Variants in TANGO6 observed in about 807,000 individuals in gnomAD.
TANGO6 encodes transport and Golgi organization protein 6 homolog.
TANGO6 carries 90 observed loss-of-function variants against 114.2 expected under a neutral mutation model. The ratio of observed to expected loss-of-function variants is 0.79; its 90% CI spans 0.66 to 0.94. The LOEUF (loss-of-function observed/expected upper bound fraction) is 0.94, where lower values mean the gene tolerates loss of function less well. Among genes scored for constraint, TANGO6 ranks in the 40% least tolerant of loss-of-function variants. The pLI is 0.00. For missense variants in TANGO6, 1,274 were observed against 1,315.3 expected, an observed-to-expected ratio of 0.97 and a Z score of 0.49; for synonymous variants, 477 against 509.8, an observed-to-expected ratio of 0.94 and a Z score of 0.87.
At chr16:68,893,597 G>A (rs540436982) in intron 7 of TANGO6, among the ~76,000 whole-genome samples, 14 of 151,814 alleles carry the variant, frequency 9.2e-5, no homozygotes, top group South Asian at 4.2e-4. Flanking sequence ...TTAGCCGGGC[G>A]TGGTGGCACG....
At position 69,016,355 on chromosome 16, in the gene TANGO6, G is replaced by A. The variant is rs926138284; in HGVS notation, c.2843-6473G>A. On this transcript the variant is annotated intron_variant, in intron 15 of 17. Transcript: ENST00000261778. ...GGAGGTTGCGGTGAGCCGAGATTGCGCTGTTGCATTCCAGCCTGGGCAACA... is the reference window on the plus strand; with the variant it reads ...GGAGGTTGCGGTGAGCCGAGATTGCACTGTTGCATTCCAGCCTGGGCAACA... Among the ~76,000 whole-genome samples the A allele has an allele frequency of 7.3e-5, 11 of 151,568 alleles. No homozygotes were observed. The South Asian group carries it at 1.7e-3, about 23-fold the overall frequency.
At chr16:69,070,646 A>G (rs1268266481) in intron 17 of TANGO6, among the ~76,000 whole-genome samples, 1 of 149,858 alleles carries the variant, frequency 6.7e-6, no homozygotes, top group East Asian at 1.9e-4. Context: ...AAAAAAAAAA[A>G]CAAAAAAACA....
chr16:69,005,289 G>A (rs971402022), intron 15 of TANGO6, among the ~76,000 whole-genome samples: 1 of 152,206 alleles, frequency 6.6e-6, no homozygotes, highest in African/African-American at 2.4e-5. Flanking sequence ...GAGCAGAAAA[G>A]TAAAATGGCC....
At chr16:69,043,285 T>A (rs1204164686) in intron 17 of TANGO6, among the ~76,000 whole-genome samples, 2 of 16,652 alleles carry the variant, frequency 1.2e-4, no homozygotes, top group South Asian at 2.0e-3. Context: ...ACAGAGCGAG[T>A]GTGTGTGTGT....
At position 68,930,417 on chromosome 16, in the gene TANGO6, G is replaced by T. The variant is rs1379903029; in HGVS notation, c.2701+122G>T. The T allele has an allele frequency of 3.9e-6, 3 of 760,592 alleles. No individual in the cohort carries two copies. In the African/African-American group the frequency reaches 5.3e-5, roughly 13 times the overall value. 47.1% of individuals were successfully genotyped at this position (760,592 alleles called of 1,614,324 possible). A position where few individuals can be genotyped will look rare whatever the true frequency, so the allele number is the denominator to read the frequency against. ...TACTGGTCATTTTGTCCGTCTTCCT[G>T]CCTCCTAGCTAGGACACTTTAAGTC... On this transcript the variant is annotated intron_variant, in intron 14 of 17. Transcript: ENST00000261778.
At chr16:69,003,255 C>T (rs980126986) in intron 15 of TANGO6, among the ~76,000 whole-genome samples, 5 of 152,174 alleles carry the variant, frequency 3.3e-5, no homozygotes, top group African/African-American at 1.2e-4. Context: ...TAGAATCACA[C>T]CTAAGGTAGC....
intron 7 of TANGO6, chr16:68,885,698 T>C (rs1270084547): frequency 2.0e-5 from 3 of 152,334 alleles, no homozygotes; most frequent in Non-Finnish European, 4.4e-5. Flanking sequence ...TTCATTTGTA[T>C]TGCAGCATGA....
intron 12 of TANGO6, among the ~76,000 whole-genome samples, chr16:68,924,856 A>G (rs969799569): frequency 1.3e-5 from 2 of 151,754 alleles, no homozygotes; most frequent in African/African-American, 2.4e-5. Flanking sequence ...TCCCTGGACA[A>G]CCCCAGGGGC....
At chr16:69,056,837 G>A (rs1960039106) in intron 17 of TANGO6, among the ~76,000 whole-genome samples, 3 of 151,664 alleles carry the variant, frequency 2.0e-5, no homozygotes, top group South Asian at 4.2e-4. Flanking sequence ...CTGCCACCAC[G>A]CCCAACTAAT....
At chr16:68,930,966 T>G (rs1315183919) in intron 14 of TANGO6, among the ~76,000 whole-genome samples, 1 of 152,160 alleles carries the variant, frequency 6.6e-6, no homozygotes, top group East Asian at 1.9e-4. Context: ...ACCTTTGCTC[T>G]CTCGTTAAGC....
At chr16:68,958,264 G>A (rs1375380671) in intron 14 of TANGO6, among the ~76,000 whole-genome samples, 1 of 151,768 alleles carries the variant, frequency 6.6e-6, no homozygotes, top group Non-Finnish European at 1.5e-5. Context: ...AGGGTGAGGC[G>A]GGCAAATCAC....
intron 9 of TANGO6, among the ~76,000 whole-genome samples, chr16:68,906,134 C>T (rs1962846868): frequency 1.3e-5 from 2 of 151,824 alleles, no homozygotes; most frequent in South Asian, 2.1e-4. Context: ...GAGCCAAGAT[C>T]GCGCCATTGC....
chr16:69,060,907 A>T (rs2312583), intron 17 of TANGO6, among the ~76,000 whole-genome samples: 2 of 151,826 alleles, frequency 1.3e-5, no homozygotes, highest in East Asian at 3.9e-4. Flanking sequence ...CAGGTGAATC[A>T]CTTGAACCCG....
chr16:69,007,423 C>T (rs907975549), intron 15 of TANGO6, among the ~76,000 whole-genome samples: 7 of 151,912 alleles, frequency 4.6e-5, no homozygotes, highest in Non-Finnish European at 2.9e-5. Context: ...GCACGTGCCA[C>T]CACACCTTGC....
intron 15 of TANGO6, among the ~76,000 whole-genome samples, chr16:68,996,228 T>C (rs1963988088): frequency 6.6e-6 from 1 of 152,170 alleles, no homozygotes; most frequent in Admixed American, 6.6e-5. Flanking sequence ...TAATGATGAA[T>C]TTCATCAAAA....
chr16:68,925,805 G>A (rs1261188987), intron 12 of TANGO6, among the ~76,000 whole-genome samples: 1 of 150,568 alleles, frequency 6.6e-6, no homozygotes, highest in African/African-American at 2.4e-5. Flanking sequence ...CAAGGTCTGT[G>A]TCTAGATTCA....
intron 16 of TANGO6, among the ~76,000 whole-genome samples, chr16:69,033,247 A>G (rs920886340): frequency 6.6e-6 from 1 of 152,196 alleles, no homozygotes; most frequent in African/African-American, 2.4e-5. Context: ...CTTTCAGTGT[A>G]CCATGAAAGC....
At chr16:69,009,072 C>CTTTTTTTT (rs869092742) in intron 15 of TANGO6, among the ~76,000 whole-genome samples, 11 of 77,638 alleles carry the variant, frequency 1.4e-4, no homozygotes, top group African/African-American at 1.6e-4. Flanking sequence ...GAGTTTATTT[C>CTTTTTTTT]TTTTTTTTTT....
chr16:69,062,988 G>T (rs1960147163), intron 17 of TANGO6, among the ~76,000 whole-genome samples: 1 of 151,656 alleles, frequency 6.6e-6, no homozygotes, highest in African/African-American at 2.4e-5. Flanking sequence ...AGAACTTTGG[G>T]AGGCCGAAAC....
Sources: allele counts gnomAD v4.1 joint callset (sites outside exome capture counted in the v4.1 genomes callset), GRCh38; gene constraint gnomAD v4.1.1; transcripts MANE v1.5; gene names NCBI Gene and HGNC (gene_info 2026-07-23, HGNC 2026-07-21).